The following RGS7 variants were observed in gnomAD, a reference collection of about 807,000 sequenced individuals.
RGS7 encodes the protein regulator of G protein signaling 7.
RGS7 carries 27 observed loss-of-function variants against 81.1 expected under a neutral mutation model. The ratio of observed to expected loss-of-function variants is 0.33; its 90% confidence interval spans 0.25 to 0.46. The LOEUF is 0.46. Among genes scored for constraint, RGS7 ranks in the 20% least tolerant of loss-of-function variants. RGS7 has a pLI of 1.00. For missense variants in RGS7, 396 were observed against 607.4 expected, an observed-to-expected ratio of 0.65 and a Z score of 3.66; for synonymous variants, 208 against 207.7, an observed-to-expected ratio of 1.00 and a Z score of -0.01.
chr1:241,058,069 C>G (rs1322513781), intron 3 of RGS7, among the ~76,000 whole-genome samples: 1 of 152,002 alleles, frequency 6.6e-6, no homozygotes. Context: ...GCAGCCAGCA[C>G]CAGGAAAGGC....
intron 6 of RGS7, among the ~76,000 whole-genome samples, chr1:240,924,101 C>A (rs2148316042): frequency 6.6e-6 from 1 of 152,284 alleles, no homozygotes; most frequent in South Asian, 2.1e-4. Context: ...AGCTTTCTAC[C>A]AATGGTAACT....
chr1:241,220,961 G>GAA (rs1558202674), intron 2 of RGS7, among the ~76,000 whole-genome samples: 91 of 45,608 alleles, frequency 2.0e-3, no homozygotes, highest in African/African-American at 4.6e-3. Context: ...AAGGAAGGAA[G>GAA]GAAGGAAGGA....
chr1:240,820,457 GT>G (rs146142650), intron 10 of RGS7, among the ~76,000 whole-genome samples: 47 of 143,238 alleles, frequency 3.3e-4, no homozygotes, highest in Middle Eastern at 7.4e-3. Context: ...AAATTATCCC[GT>G]TTTTTTTTTT....
At chr1:241,109,268 C>G (rs1233509020) in intron 2 of RGS7, among the ~76,000 whole-genome samples, 1 of 152,130 alleles carries the variant, frequency 6.6e-6, no homozygotes, top group East Asian at 1.9e-4. Context: ...TTCCCTTTTC[C>G]ATCTGTGCCT....
chr1:241,054,457 G>T (rs1186137401), intron 3 of RGS7, among the ~76,000 whole-genome samples: 1 of 152,120 alleles, frequency 6.6e-6, no homozygotes, highest in Non-Finnish European at 1.5e-5. Flanking sequence ...CTCCTCAGGT[G>T]ATGTTATCCA....
At chr1:241,093,004 A>G (rs1236830925) in intron 3 of RGS7, among the ~76,000 whole-genome samples, 1 of 152,212 alleles carries the variant, frequency 6.6e-6, no homozygotes, top group Non-Finnish European at 1.5e-5. Flanking sequence ...CAAATTATAC[A>G]TTATTGTTTT....
intron 5 of RGS7, among the ~76,000 whole-genome samples, chr1:240,932,138 T>C (rs1208765194): frequency 3.3e-5 from 5 of 152,176 alleles, no homozygotes; most frequent in Non-Finnish European, 5.9e-5. Flanking sequence ...GAGAACTGTT[T>C]GAATCTCTAC....
At chr1:241,098,796 A>C (rs1270300362) in intron 2 of RGS7, 34 bp from the exon 3 acceptor site, 1 of 1,523,396 alleles carries the variant, frequency 6.6e-7, no homozygotes, top group East Asian at 2.3e-5. Context: ...AACCTTTATA[A>C]AGTTGAACTT....
intron 6 of RGS7, among the ~76,000 whole-genome samples, chr1:240,923,793 A>C (rs1371985931): frequency 6.6e-6 from 1 of 152,086 alleles, no homozygotes; most frequent in African/African-American, 2.4e-5. Flanking sequence ...TAAAGAAATA[A>C]ATAATGTCTA....
At chr1:240,984,130 C>T (rs984641078) in intron 3 of RGS7, among the ~76,000 whole-genome samples, 2 of 152,124 alleles carry the variant, frequency 1.3e-5, no homozygotes, top group African/African-American at 2.4e-5. Flanking sequence ...TAATGGAGTG[C>T]ACAGTATATT....
intron 2 of RGS7, among the ~76,000 whole-genome samples, chr1:241,274,412 A>G (rs2078082277): frequency 2.0e-5 from 3 of 152,344 alleles, no homozygotes; most frequent in African/African-American, 7.2e-5. Context: ...AGAGGCAAAG[A>G]TTATACAAAT....
chr1:241,223,413 C>A (rs891750621), intron 2 of RGS7, among the ~76,000 whole-genome samples: 5 of 152,158 alleles, frequency 3.3e-5, no homozygotes, highest in Non-Finnish European at 7.4e-5. Flanking sequence ...GTGCAACTTG[C>A]TGCTCAGATA....
chr1:240,827,021 GA>G (rs1430540418), intron 10 of RGS7, 76 bp downstream of exon 10: 17 of 1,157,646 alleles, frequency 1.5e-5, no homozygotes, highest in Non-Finnish European at 2.2e-5. Context: ...GACATGAGAA[GA>G]AAGTGTTTTT....
intron 2 of RGS7, among the ~76,000 whole-genome samples, chr1:241,305,321 T>C (rs1281086978): frequency 1.3e-5 from 2 of 152,300 alleles, no homozygotes; most frequent in East Asian, 1.9e-4. Context: ...CTCCAGTTTC[T>C]AGATGGAGTT....
intron 2 of RGS7, among the ~76,000 whole-genome samples, chr1:241,353,441 C>T (rs187249374): frequency 1.9e-4 from 29 of 152,270 alleles, no homozygotes; most frequent in East Asian, 9.6e-4. Flanking sequence ...TAAGCAAGGA[C>T]GCTGTGTCTC....
chr1:241,216,087 T>A (rs2074536187), intron 2 of RGS7, among the ~76,000 whole-genome samples: 1 of 151,854 alleles, frequency 6.6e-6, no homozygotes, highest in African/African-American at 2.4e-5. Flanking sequence ...CTGGCCAATA[T>A]GGTGAAACCC....
At chr1:241,292,093 G>A (rs912221166) in intron 2 of RGS7, among the ~76,000 whole-genome samples, 8 of 151,942 alleles carry the variant, frequency 5.3e-5, no homozygotes, top group African/African-American at 1.9e-4. Flanking sequence ...TTGTCCTACT[G>A]GAAGGTCTTC....
At chr1:241,305,272 C>A (rs539962131) in intron 2 of RGS7, among the ~76,000 whole-genome samples, 1 of 152,286 alleles carries the variant, frequency 6.6e-6, no homozygotes, top group Admixed American at 6.5e-5. Context: ...GAAACACATT[C>A]AGAAAAACAC....
chr1:240,850,128 G>A (rs1251842507), intron 9 of RGS7, among the ~76,000 whole-genome samples: 2 of 152,106 alleles, frequency 1.3e-5, no homozygotes, highest in African/African-American at 2.4e-5. Flanking sequence ...AACAGTAAAG[G>A]CATATCTCAT....
Sources: allele counts gnomAD v4.1 joint callset (sites outside exome capture counted in the v4.1 genomes callset), GRCh38; gene constraint gnomAD v4.1.1; transcripts MANE v1.5; gene names NCBI Gene and HGNC (gene_info 2026-07-23, HGNC 2026-07-21).